The following MARCHF1 variants were observed in gnomAD, a reference collection of about 807,000 sequenced individuals.
The protein encoded by MARCHF1 is membrane associated ring-CH-type finger 1.
MARCHF1 carries 40 observed loss-of-function variants against 54.2 expected under a neutral mutation model. The ratio of observed to expected loss-of-function variants is 0.74; its 90% confidence interval spans 0.57 to 0.96. The LOEUF is 0.96. Among genes scored for constraint, MARCHF1 ranks in the 40% least tolerant of loss-of-function variants. The pLI is 0.00. For missense variants in MARCHF1, 586 were observed against 656.5 expected (o/e 0.89, Z 1.17); for synonymous variants, 236 against 236.3 (o/e 1.00, Z 0.01).
Position 163,586,026 on chromosome 4 carries a change from G to A in MARCHF1, c.1011-97C>T, listed in dbSNP as rs1368926848. On this transcript the variant is annotated intron_variant, in intron 7 of 9. Transcript: ENST00000514618. ...GCTTATACTAGGGCTATTATAAACC[G>A]CAACCTAAGATTTAGAACACATGGA... 4.1e-5 allele frequency: 43 copies of A among 1,048,280 alleles called. No individual in the cohort carries two copies. In the East Asian group the frequency reaches 4.3e-4, roughly 11 times the overall value. 64.9% of individuals were successfully genotyped at this position (1,048,280 alleles called of 1,614,324 possible).
Position 163,580,958 on chromosome 4 carries a change from G to A in MARCHF1, c.1191+4791C>T, listed in dbSNP as rs1459250339. 4.8e-5 allele frequency among the ~76,000 whole-genome samples: 5 copies of A among 105,184 alleles called. 2 individuals are homozygous for A. Among genetic ancestry groups the A allele is most frequent in the African/African-American group, 7.4e-5 (2 of 26,880 alleles). The allele number at this position is 105,184 out of a possible 152,430, so 69.0% of individuals were successfully genotyped here. A position where few individuals can be genotyped will look rare whatever the true frequency, so the allele number is the denominator to read the frequency against. ...GCTGGGACTACAGGCGCCCGCCACCGCGCCCGGCTAATTTTTTGTATTTTT... is the reference window on the plus strand; with the variant it reads ...GCTGGGACTACAGGCGCCCGCCACCACGCCCGGCTAATTTTTTGTATTTTT... On this transcript the variant is annotated intron_variant, in intron 8 of 9. Transcript: ENST00000514618.
intron 8 of MARCHF1, among the ~76,000 whole-genome samples, chr4:163,575,594 G>A (rs1204531454): frequency 2.6e-5 from 4 of 151,554 alleles, no homozygotes; most frequent in South Asian, 2.1e-4. Flanking sequence ...GTCCCTCCTC[G>A]ATTTTTGGGG....
chr4:163,580,237 C>G (rs892974451), intron 8 of MARCHF1, among the ~76,000 whole-genome samples: 5 of 152,080 alleles, frequency 3.3e-5, no homozygotes, highest in Non-Finnish European at 7.4e-5. Flanking sequence ...CACCACCACA[C>G]CCAGGTAATT....
rs761190182 is a variant in MARCHF1 at position 164,197,330 on chromosome 4, C to T, written c.-322-85668G>A. The T allele has an allele frequency of 1.9e-5, 30 of 1,612,204 alleles. No homozygotes were observed. In the East Asian group the frequency reaches 6.0e-4, roughly 32 times the overall value. On this transcript the variant is annotated intron_variant, in intron 1 of 9. Transcript: ENST00000514618. ...AGGAGAAGCTTGAACACGTTTTCTC[C>T]GTAGTCGTTCAGGTTGGTTACCTCG...
intron 1 of MARCHF1, among the ~76,000 whole-genome samples, chr4:164,327,737 T>C (rs1361866984): frequency 2.0e-5 from 3 of 152,074 alleles, no homozygotes; most frequent in Admixed American, 1.3e-4. Flanking sequence ...ATAAAGGAAA[T>C]TGATCTTTAA....
At chr4:163,896,234 A>T (rs1560808903) in intron 3 of MARCHF1, among the ~76,000 whole-genome samples, 1 of 152,184 alleles carries the variant, frequency 6.6e-6, no homozygotes, top group Admixed American at 6.5e-5. Flanking sequence ...ACAATAATAG[A>T]GATGATGAAA....
chr4:164,293,468 G>A (rs189513139), intron 1 of MARCHF1, among the ~76,000 whole-genome samples: 3 of 152,270 alleles, frequency 2.0e-5, no homozygotes, highest in Middle Eastern at 3.4e-3. Flanking sequence ...CATGTTGCTG[G>A]ATAAAACTTT....
chr4:163,632,043 T>G (rs1208823211), intron 5 of MARCHF1, among the ~76,000 whole-genome samples: 1 of 152,116 alleles, frequency 6.6e-6, no homozygotes, highest in African/African-American at 2.4e-5. Flanking sequence ...ATGAGATATC[T>G]CACACCCATT....
chr4:164,263,347 C>CATAT (rs1459444260), intron 1 of MARCHF1, among the ~76,000 whole-genome samples: 1 of 152,104 alleles, frequency 6.6e-6, no homozygotes, highest in African/African-American at 2.4e-5. Flanking sequence ...TACATATATA[C>CATAT]ACACATATAC....
Position 163,594,892 on chromosome 4 carries a change from G to A in MARCHF1, c.1011-8963C>T, listed in dbSNP as rs1740712417. Among the ~76,000 whole-genome samples, 3 of 152,052 alleles carry A rather than the reference G, an allele frequency of 2.0e-5. No homozygotes were observed. In the South Asian group the frequency reaches 6.2e-4, roughly 31 times the overall value. On this transcript the variant is annotated intron_variant, in intron 7 of 9. Transcript: ENST00000514618. Reference sequence around the variant, plus strand: ...CAGCTGCTATGGAAAACAGTGTGGAGGTTTTTCAAAGAATTAAAAATAGAA... The same window carrying A: ...CAGCTGCTATGGAAAACAGTGTGGAAGTTTTTCAAAGAATTAAAAATAGAA...
chr4:164,178,616 G>A (rs1346423859), intron 1 of MARCHF1, among the ~76,000 whole-genome samples: 1 of 152,120 alleles, frequency 6.6e-6, no homozygotes, highest in Non-Finnish European at 1.5e-5. Context: ...TTAAATCACT[G>A]AGTACTGATG....
intron 4 of MARCHF1, among the ~76,000 whole-genome samples, chr4:163,837,462 G>A (rs1749221111): frequency 6.6e-6 from 1 of 152,090 alleles, no homozygotes; most frequent in African/African-American, 2.4e-5. Context: ...TAAATATAAT[G>A]ACAGAGAAAA....
intron 1 of MARCHF1, chr4:164,197,579 C>A (rs149660138): frequency 1.9e-6 from 3 of 1,613,248 alleles, no homozygotes; most frequent in East Asian, 2.2e-5. Context: ...CTTAAGAATT[C>A]CAGTTCTTCA....
intron 1 of MARCHF1, among the ~76,000 whole-genome samples, chr4:164,379,996 A>G (rs1188366697): frequency 1.3e-5 from 2 of 151,684 alleles, no homozygotes; most frequent in South Asian, 2.1e-4. Context: ...AAAAACTGCC[A>G]AACAAAAATG....
chr4:164,145,376 G>T (rs560685971), intron 1 of MARCHF1, among the ~76,000 whole-genome samples: 1,824 of 151,956 alleles, frequency 0.012, 25 homozygotes, highest in African/African-American at 0.039. Flanking sequence ...CCAAAAAAGA[G>T]AATTTTAGAC....
intron 1 of MARCHF1, among the ~76,000 whole-genome samples, chr4:164,187,066 C>G (rs1412646201): frequency 6.7e-6 from 1 of 149,156 alleles, no homozygotes; most frequent in Non-Finnish European, 1.5e-5. Context: ...ATCTTCTGAT[C>G]TTGCTCAACC....
intron 2 of MARCHF1, among the ~76,000 whole-genome samples, chr4:164,007,905 G>T (rs765049112): frequency 3.3e-5 from 5 of 152,060 alleles, no homozygotes; most frequent in Non-Finnish European, 7.4e-5. Context: ...TAAGAAGGAA[G>T]AAAAGGAGAG....
chr4:164,057,636 G>A (rs941565165), intron 2 of MARCHF1, among the ~76,000 whole-genome samples: 1 of 152,110 alleles, frequency 6.6e-6, no homozygotes, highest in Non-Finnish European at 1.5e-5. Flanking sequence ...ACTATATTGG[G>A]TCAAGAGGTA....
chr4:164,339,414 C>G (rs376812804), intron 1 of MARCHF1, among the ~76,000 whole-genome samples: 12 of 152,090 alleles, frequency 7.9e-5, no homozygotes, highest in East Asian at 7.7e-4. Flanking sequence ...AAATCAATAC[C>G]AAGAAGAAAA....
Sources: gnomAD v4.1 joint callset for allele counts (sites outside exome capture counted in the v4.1 genomes callset) on GRCh38, gnomAD v4.1.1 for gene constraint, MANE v1.5 for transcripts, NCBI Gene and HGNC (gene_info 2026-07-23, HGNC 2026-07-21) for gene names.